Variants in RANBP2 observed in about 807,000 individuals in gnomAD.
RANBP2 encodes E3 SUMO-protein ligase RanBP2.
RANBP2 carries 57 observed loss-of-function variants against 303.6 expected under a neutral mutation model. The ratio of observed to expected loss-of-function variants is 0.19; its 90% CI spans 0.15 to 0.23. The LOEUF (loss-of-function observed/expected upper bound fraction) is 0.23. RANBP2 is among the 10% of genes least tolerant of loss of function. The pLI, the probability that RANBP2 is intolerant of heterozygous loss-of-function variation, is 1.00. For synonymous variants in RANBP2, 1,167 were observed against 1,301.5 expected (o/e 0.90, Z 2.23); for missense variants, 3,138 against 3,780.8 (o/e 0.83, Z 4.46).
At chr2:109,139,924 G>A in the RANBP2 span, among the ~76,000 whole-genome samples, 1 of 152,186 alleles carries the variant, frequency 6.6e-6, no homozygotes, top group Non-Finnish European at 1.5e-5. Flanking sequence ...GTTTGTTCAG[G>A]TTTGTGTTCC....
chr2:109,560,668 A>G, the RANBP2 span, among the ~76,000 whole-genome samples: 1 of 152,202 alleles, frequency 6.6e-6, no homozygotes, highest in East Asian at 1.9e-4. Context: ...CAAAGTCAAC[A>G]GGTCCCAAAC....
the RANBP2 span, chr2:108,791,881 A>T: frequency 5.1e-6 from 7 of 1,360,302 alleles, no homozygotes; most frequent in East Asian, 1.7e-4. Context: ...TCCTAGTAAT[A>T]ACACTGGCCC....
the RANBP2 span, among the ~76,000 whole-genome samples, chr2:109,348,990 G>A: frequency 2.0e-5 from 3 of 152,066 alleles, no homozygotes; most frequent in African/African-American, 7.2e-5. Flanking sequence ...CACTCGTTCT[G>A]TCTTGCCTGT....
At chr2:109,371,027 C>T in the RANBP2 span, among the ~76,000 whole-genome samples, 1 of 152,154 alleles carries the variant, frequency 6.6e-6, no homozygotes, top group East Asian at 1.9e-4. Flanking sequence ...CATTTTAAAG[C>T]CCTAACTCTG....
Position 108,758,996 on chromosome 2 carries a change from C to T in RANBP2, c.2602+448C>T, listed in dbSNP as rs1023533523. ...AAAGAAAAGGAGTTTGGACCTGAAT[C>T]ATACTGGGTTTTTAAGTTCTGCTCT... On this transcript the variant is annotated intron_variant, in intron 18 of 28. Transcript: ENST00000283195. Among the ~76,000 whole-genome samples the T allele has an allele frequency of 1.7e-4, 26 of 148,858 alleles. 1 individual carries two copies. The highest frequency in any genetic ancestry group is 3.9e-4 in the Non-Finnish European group (26 of 67,474).
chr2:109,643,854 G>T, the RANBP2 span, among the ~76,000 whole-genome samples: 1 of 151,954 alleles, frequency 6.6e-6, no homozygotes, highest in Non-Finnish European at 1.5e-5. Context: ...TGGGCTCAGT[G>T]GCTCACACCT....
At chr2:109,794,610 G>GCCCGGCCCGGCC in the RANBP2 span, 1 of 189,728 alleles carries the variant, frequency 5.3e-6, no homozygotes, top group Non-Finnish European at 7.3e-6. Context: ...GGCGGCGGCG[G>GCCCGGCCCGGCC]GGGGGGCGGC....
Position 108,740,796 on chromosome 2 carries a change from T to TTGAAA in RANBP2, c.975+117_975+121dup, listed in dbSNP as rs5833298. The TTGAAA allele has an allele frequency of 3.0e-5, 42 of 1,406,088 alleles. No individual in the cohort carries two copies. In the Admixed American group the frequency reaches 4.2e-4, roughly 14 times the overall value. The allele number at this position is 1,406,088 out of a possible 1,614,324, so 87.1% of individuals were successfully genotyped here. ...TGTGAACAAACCTGTGGAATTAAAG[T>TTGAAA]TGAAATAGTCAATTTGATACAGTGG... is the stretch of plus-strand genomic sequence containing the variant. On this transcript the variant is annotated intron_variant, in intron 7 of 28. Coordinates refer to ENST00000283195, the MANE Select transcript of RANBP2 (RefSeq NM_006267.5).
At chr2:109,347,766 C>T in the RANBP2 span, 114 of 1,613,872 alleles carry the variant, frequency 7.1e-5, no homozygotes, top group Non-Finnish European at 9.4e-5. Context: ...ACATCATCGT[C>T]CTGCGGCGCA....
the RANBP2 span, among the ~76,000 whole-genome samples, chr2:109,650,965 C>T: frequency 5.3e-5 from 8 of 152,060 alleles, no homozygotes; most frequent in Non-Finnish European, 1.0e-4. Flanking sequence ...AGGGACAGTC[C>T]CCAGTGGTGC....
chr2:109,361,860 A>G, the RANBP2 span, among the ~76,000 whole-genome samples: 2 of 152,336 alleles, frequency 1.3e-5, no homozygotes, highest in African/African-American at 4.8e-5. Context: ...AAATTTGTGG[A>G]CATAGCATTA....
At chr2:108,831,883 C>T in the RANBP2 span, among the ~76,000 whole-genome samples, 2 of 151,938 alleles carry the variant, frequency 1.3e-5, no homozygotes, top group Non-Finnish European at 2.9e-5. Context: ...CAGGCACTGG[C>T]CACCATGCCT....
chr2:108,824,381 G>T, the RANBP2 span, among the ~76,000 whole-genome samples: 1 of 150,206 alleles, frequency 6.7e-6, no homozygotes, highest in Non-Finnish European at 1.5e-5. Flanking sequence ...TTACTTTCTC[G>T]ACTATTCTGT....
chr2:108,983,464 C>A, the RANBP2 span, among the ~76,000 whole-genome samples: 56 of 152,296 alleles, frequency 3.7e-4, no homozygotes, highest in Middle Eastern at 0.01. Flanking sequence ...AATCAGCCAA[C>A]TTAATAGACA....
the RANBP2 span, among the ~76,000 whole-genome samples, chr2:109,480,296 C>T: frequency 0.03 from 4,626 of 152,258 alleles, 101 homozygotes; most frequent in African/African-American, 0.053. Context: ...ATGTTTGATC[C>T]CCACAGCCAC....
At chr2:109,340,163 G>T in the RANBP2 span, among the ~76,000 whole-genome samples, 1 of 152,180 alleles carries the variant, frequency 6.6e-6, no homozygotes, top group South Asian at 2.1e-4. Context: ...CAGTGCACAG[G>T]TTGGGAGGTC....
the RANBP2 span, among the ~76,000 whole-genome samples, chr2:109,318,001 C>G: frequency 6.6e-6 from 1 of 151,446 alleles, no homozygotes; most frequent in East Asian, 2.0e-4. Flanking sequence ...TGCATCTGAA[C>G]GGAAGGCCAG....
the RANBP2 span, among the ~76,000 whole-genome samples, chr2:109,323,345 G>A: frequency 1.6e-4 from 24 of 152,322 alleles, 1 homozygote; most frequent in South Asian, 5.0e-3. Flanking sequence ...GAAGATACCT[G>A]TATGACTCCA....
At chr2:109,023,292 C>T in the RANBP2 span, among the ~76,000 whole-genome samples, 1 of 152,200 alleles carries the variant, frequency 6.6e-6, no homozygotes, top group Non-Finnish European at 1.5e-5. Context: ...GGATCCCAAA[C>T]TTCAGTGCCC....
Sources: gnomAD v4.1 joint callset for allele counts (sites outside exome capture counted in the v4.1 genomes callset) on GRCh38, gnomAD v4.1.1 for gene constraint, MANE v1.5 for transcripts, NCBI Gene and HGNC (gene_info 2026-07-23, HGNC 2026-07-21) for gene names.